ADAMTS3: variants seen among roughly 807,000 people sequenced by gnomAD.
The protein encoded by ADAMTS3 is A disintegrin and metalloproteinase with thrombospondin motifs 3.
A neutral mutation model predicts 129.0 loss-of-function variants in ADAMTS3; 73 were observed. The observed-to-expected ratio is 0.57, with a 90% CI of 0.47 to 0.69. The LOEUF is 0.69. ADAMTS3 is among the 30% of genes least tolerant of loss of function. ADAMTS3 has a pLI of 0.00. For synonymous variants in ADAMTS3, 477 were observed against 510.8 expected, an observed-to-expected ratio of 0.93 and a Z score of 0.89; for missense variants, 1,457 against 1,514.5, an observed-to-expected ratio of 0.96 and a Z score of 0.63.
At chr4:72,417,402 C>A (rs1323153001) in intron 3 of ADAMTS3, among the ~76,000 whole-genome samples, 5 of 152,172 alleles carry the variant, frequency 3.3e-5, no homozygotes, top group African/African-American at 1.2e-4. Context: ...CCTGCTATGG[C>A]AAACATTCAA....
chr4:72,485,262 G>C (rs1427356369), intron 3 of ADAMTS3, among the ~76,000 whole-genome samples: 1 of 152,074 alleles, frequency 6.6e-6, no homozygotes, highest in African/African-American at 2.4e-5. Context: ...TCCAACTCAA[G>C]AGGTTTCTTG....
chr4:72,404,449 T>C (rs1314342633), intron 4 of ADAMTS3, among the ~76,000 whole-genome samples: 9 of 152,026 alleles, frequency 5.9e-5, no homozygotes, highest in Admixed American at 2.6e-4. Context: ...AAAGTGAATA[T>C]ACACATGCAA....
chr4:72,525,955 A>C (rs1276051907), intron 3 of ADAMTS3, among the ~76,000 whole-genome samples: 4 of 152,174 alleles, frequency 2.6e-5, no homozygotes, highest in Non-Finnish European at 5.9e-5. Flanking sequence ...ATTCCCCCTT[A>C]AGAAAAACAA....
At chr4:72,286,815 G>A (rs937169475) in intron 21 of ADAMTS3, among the ~76,000 whole-genome samples, 1 of 152,082 alleles carries the variant, frequency 6.6e-6, no homozygotes, top group African/African-American at 2.4e-5. Context: ...ACAAACAGAT[G>A]GGGGTGGCGA....
At chr4:72,353,436 G>T (rs1720495059) in intron 4 of ADAMTS3, among the ~76,000 whole-genome samples, 1 of 151,978 alleles carries the variant, frequency 6.6e-6, no homozygotes, top group Non-Finnish European at 1.5e-5. Flanking sequence ...CTGTAGCAGG[G>T]TCCTATGTCT....
At chr4:72,498,664 C>T (rs1719932128) in intron 3 of ADAMTS3, among the ~76,000 whole-genome samples, 1 of 151,870 alleles carries the variant, frequency 6.6e-6, no homozygotes, top group Non-Finnish European at 1.5e-5. Flanking sequence ...CACGCACACA[C>T]ACACGCACAC....
chr4:72,519,791 C>T (rs1033132101), intron 3 of ADAMTS3, among the ~76,000 whole-genome samples: 2 of 152,156 alleles, frequency 1.3e-5, no homozygotes, highest in Non-Finnish European at 2.9e-5. Context: ...GAATTTCTTC[C>T]TGTAGCTCGG....
intron 2 of ADAMTS3, among the ~76,000 whole-genome samples, chr4:72,560,072 G>A (rs1034037627): frequency 1.3e-5 from 2 of 151,512 alleles, no homozygotes; most frequent in South Asian, 2.1e-4. Flanking sequence ...ACAAAAACAA[G>A]CAATAGAGGA....
intron 3 of ADAMTS3, among the ~76,000 whole-genome samples, chr4:72,454,685 A>G (rs1010545164): frequency 2.0e-5 from 3 of 151,720 alleles, no homozygotes; most frequent in Non-Finnish European, 4.4e-5. Flanking sequence ...AGGTTGAAGA[A>G]GACCAGGAGA....
At chr4:72,504,789 A>G (rs947536164) in intron 3 of ADAMTS3, among the ~76,000 whole-genome samples, 1 of 151,970 alleles carries the variant, frequency 6.6e-6, no homozygotes, top group Non-Finnish European at 1.5e-5. Context: ...TTTATTGTTA[A>G]CTCACTGGAT....
At chr4:72,455,946 T>C (rs796708164) in intron 3 of ADAMTS3, among the ~76,000 whole-genome samples, 11 of 96,404 alleles carry the variant, frequency 1.1e-4, no homozygotes, top group African/African-American at 3.8e-4. Flanking sequence ...ATAGTATATA[T>C]ACAGTATATA....
intron 3 of ADAMTS3, among the ~76,000 whole-genome samples, chr4:72,478,046 A>C (rs943132028): frequency 7.9e-5 from 12 of 152,212 alleles, no homozygotes; most frequent in Non-Finnish European, 1.2e-4. Flanking sequence ...TGTGGCAATA[A>C]TCAATAGCTT....
chr4:72,526,191 C>A (rs1242470930), intron 3 of ADAMTS3, among the ~76,000 whole-genome samples: 1 of 152,150 alleles, frequency 6.6e-6, no homozygotes, highest in African/African-American at 2.4e-5. Context: ...CCCACCGTAA[C>A]CCTGGCTGGC....
At chr4:72,399,377 G>T (rs1721815004) in intron 4 of ADAMTS3, among the ~76,000 whole-genome samples, 1 of 152,032 alleles carries the variant, frequency 6.6e-6, no homozygotes, top group South Asian at 2.1e-4. Context: ...AGGTTGCAGT[G>T]AGCTATGATT....
intron 4 of ADAMTS3, among the ~76,000 whole-genome samples, chr4:72,404,629 A>T (rs1436777992): frequency 6.6e-6 from 1 of 152,128 alleles, no homozygotes; most frequent in Non-Finnish European, 1.5e-5. Flanking sequence ...AAGCACAGGC[A>T]ACAAAAGCCA....
chr4:72,315,109 G>T (rs1207822242), intron 11 of ADAMTS3, among the ~76,000 whole-genome samples: 4 of 152,166 alleles, frequency 2.6e-5, no homozygotes, highest in Admixed American at 2.0e-4. Context: ...TTCTGTATAA[G>T]TTCACATGAC....
At chr4:72,440,237 G>A (rs139273930) in intron 3 of ADAMTS3, among the ~76,000 whole-genome samples, 1 of 151,634 alleles carries the variant, frequency 6.6e-6, no homozygotes, top group Non-Finnish European at 1.5e-5. Flanking sequence ...TAGACATGAA[G>A]GTCTAAATTC....
intron 4 of ADAMTS3, among the ~76,000 whole-genome samples, chr4:72,413,436 T>A (rs1437254213): frequency 6.6e-6 from 1 of 151,994 alleles, no homozygotes; most frequent in Non-Finnish European, 1.5e-5. Context: ...ACATAACCAG[T>A]CTTCTGATTT....
At chr4:72,551,320 C>T (rs1342734525) in intron 2 of ADAMTS3, among the ~76,000 whole-genome samples, 7 of 152,026 alleles carry the variant, frequency 4.6e-5, no homozygotes, top group African/African-American at 1.7e-4. Flanking sequence ...TACTCACAGC[C>T]TCATACGTAC....
Sources: gnomAD v4.1 joint callset for allele counts (sites outside exome capture counted in the v4.1 genomes callset) on GRCh38, gnomAD v4.1.1 for gene constraint, MANE v1.5 for transcripts, NCBI Gene and HGNC (gene_info 2026-07-23, HGNC 2026-07-21) for gene names.